Variants in RBFOX1 observed in about 807,000 individuals in gnomAD.
RBFOX1 encodes the protein RNA binding protein fox-1 homolog 1.
In RBFOX1, 8 loss-of-function variants were observed where a neutral mutation model predicts 57.7. That is an observed-to-expected ratio of 0.14 (90% CI 0.08 to 0.25). The LOEUF is 0.25. Ranked by LOEUF, RBFOX1 falls within the 10% of genes least tolerant of loss-of-function variation. The pLI, the probability that RBFOX1 is intolerant of heterozygous loss-of-function variation, is 1.00. For synonymous variants in RBFOX1, 326 were observed against 222.4 expected (o/e 1.47, Z -4.15); for missense variants, 611 against 548.5 (o/e 1.11, Z -1.14).
At chr16:6,365,581 G>A (rs1190708002) in intron 2 of RBFOX1, among the ~76,000 whole-genome samples, 1 of 152,148 alleles carries the variant, frequency 6.6e-6, no homozygotes, top group Admixed American at 6.5e-5. Flanking sequence ...AGGGGCACTG[G>A]GGTGCTGACA....
At chr16:5,809,875 C>G (rs1006590752) in intron 3 of RBFOX1, among the ~76,000 whole-genome samples, 7 of 151,998 alleles carry the variant, frequency 4.6e-5, no homozygotes, top group African/African-American at 1.7e-4. Context: ...CACATGCACA[C>G]GTATGTTTTT....
intron 2 of RBFOX1, among the ~76,000 whole-genome samples, chr16:5,556,015 T>C (rs920817672): frequency 6.6e-6 from 1 of 150,386 alleles, no homozygotes; most frequent in Non-Finnish European, 1.5e-5. Context: ...AGTGAGACTC[T>C]GTCTCAAAAA....
Position 5,651,655 on chromosome 16 carries a change from T to G in RBFOX1, c.318+52694T>G, listed in dbSNP as rs149843343. Among the ~76,000 whole-genome samples the G allele has an allele frequency of 1.4e-3, 207 of 152,276 alleles. 6 individuals carry two copies. In the East Asian group the frequency reaches 0.038, roughly 28 times the overall value. ...CTCCATCAGCTGTGTGAATTCCCAGTGCCCATCTGTGAGTGAGCCGTTTCA... is the reference window on the plus strand; with the variant it reads ...CTCCATCAGCTGTGTGAATTCCCAGGGCCCATCTGTGAGTGAGCCGTTTCA... On this transcript the variant is annotated intron_variant, in intron 3 of 19. Transcript: ENST00000641259.
At chr16:6,197,574 A>T (rs180763844) in intron 1 of RBFOX1, among the ~76,000 whole-genome samples, 13 of 152,252 alleles carry the variant, frequency 8.5e-5, no homozygotes, top group South Asian at 2.1e-4. Context: ...CGCAAAGACA[A>T]AACCAGATAA....
chr16:7,187,690 C>CAA lies in RBFOX1; in HGVS notation c.27+135626_27+135627dup, dbSNP rs536529201. On this transcript the variant is annotated intron_variant, in intron 4 of 15. Transcript: ENST00000550418. ...GGCAACAGAATGAGACTCTGTCTCA[C>CAA]AAAAAAAAAAAAAAAAAAAAAAAAA... Among the ~76,000 whole-genome samples the CAA allele has an allele frequency of 2.3e-3, 164 of 72,558 alleles. 3 individuals carry two copies. Among genetic ancestry groups the CAA allele is most frequent in the African/African-American group, 2.6e-3 (42 of 15,868 alleles). 47.6% of individuals were successfully genotyped at this position (72,558 alleles called of 152,430 possible). A position where few individuals can be genotyped will look rare whatever the true frequency, so the allele number is the denominator to read the frequency against.
At chr16:7,115,549 C>T (rs757602294) in intron 4 of RBFOX1, among the ~76,000 whole-genome samples, 25 of 152,318 alleles carry the variant, frequency 1.6e-4, no homozygotes, top group Non-Finnish European at 2.5e-4. Context: ...GGGACCTTCA[C>T]TGAGCTCTCT....
intron 2 of RBFOX1, among the ~76,000 whole-genome samples, chr16:5,597,634 A>G (rs998458845): frequency 1.3e-5 from 2 of 152,030 alleles, no homozygotes; most frequent in African/African-American, 2.4e-5. Context: ...TCCTGACCTC[A>G]GGTGATCTGT....
chr16:7,217,212 C>G (rs892855182), intron 4 of RBFOX1, among the ~76,000 whole-genome samples: 10 of 151,182 alleles, frequency 6.6e-5, no homozygotes, highest in African/African-American at 1.9e-4. Context: ...TGAAGAGATT[C>G]TCCTCCCACA....
At chr16:7,171,806 C>G (rs1471748204) in intron 4 of RBFOX1, among the ~76,000 whole-genome samples, 2 of 152,140 alleles carry the variant, frequency 1.3e-5, no homozygotes, top group Non-Finnish European at 2.9e-5. Context: ...TTTGGCTTGG[C>G]CATTGTCTTT....
chr16:6,664,726 G>C (rs1299798220), intron 3 of RBFOX1, among the ~76,000 whole-genome samples: 1 of 152,208 alleles, frequency 6.6e-6, no homozygotes, highest in Non-Finnish European at 1.5e-5. Context: ...GTCAGTTCTG[G>C]AGATACTCAG....
At chr16:6,708,752 C>G (rs1363697946) in intron 3 of RBFOX1, among the ~76,000 whole-genome samples, 1 of 152,156 alleles carries the variant, frequency 6.6e-6, no homozygotes, top group East Asian at 1.9e-4. Context: ...CTCAGGCGTC[C>G]CTTCGACTGG....
chr16:6,154,329 ATGG>A (rs1392279932), intron 1 of RBFOX1, among the ~76,000 whole-genome samples: 4 of 152,250 alleles, frequency 2.6e-5, no homozygotes, highest in African/African-American at 9.6e-5. Flanking sequence ...TATAAAGATA[ATGG>A]TATAAGCAAG....
chr16:5,957,378 C>G (rs1394847849), intron 4 of RBFOX1, among the ~76,000 whole-genome samples: 1 of 152,072 alleles, frequency 6.6e-6, no homozygotes, highest in African/African-American at 2.4e-5. Context: ...CCATGCCCAG[C>G]TAATTTTTGT....
At chr16:7,203,289 C>G (rs974007323) in intron 4 of RBFOX1, among the ~76,000 whole-genome samples, 4 of 152,094 alleles carry the variant, frequency 2.6e-5, no homozygotes, top group Non-Finnish European at 5.9e-5. Context: ...AAGCCAGTCA[C>G]AAAAACACAC....
Position 6,994,894 on chromosome 16 carries a change from A to G in RBFOX1, c.-15-57163A>G, listed in dbSNP as rs564506464. Among the ~76,000 whole-genome samples the G allele has an allele frequency of 9.9e-5, 15 of 152,188 alleles. No homozygotes were observed. The South Asian group carries it at 2.9e-3, about 29-fold the overall frequency. On this transcript the variant is annotated intron_variant, in intron 3 of 15. Coordinates refer to ENST00000550418, the MANE Select transcript of RBFOX1 (RefSeq NM_018723.4). ...AAAACAAAATTCCAAATTAACTTGG[A>G]TATCTCTATCAGAACATATCCCTGA...
At chr16:6,731,392 T>G (rs12932571) in intron 3 of RBFOX1, among the ~76,000 whole-genome samples, 20,767 of 152,158 alleles carry the variant, frequency 0.14, 1,608 homozygotes, top group Middle Eastern at 0.23. Flanking sequence ...AGGGGATCAG[T>G]GACCTCACAT....
intron 3 of RBFOX1, among the ~76,000 whole-genome samples, chr16:5,690,212 A>G (rs1347151023): frequency 1.3e-5 from 2 of 152,234 alleles, no homozygotes; most frequent in Non-Finnish European, 2.9e-5. Flanking sequence ...CATACATTGA[A>G]GACAGTCATC....
intron 4 of RBFOX1, among the ~76,000 whole-genome samples, chr16:5,902,703 A>G (rs900340491): frequency 1.3e-5 from 2 of 152,168 alleles, no homozygotes; most frequent in African/African-American, 4.8e-5. Flanking sequence ...AGCATGAGCC[A>G]CCGTGCCCGG....
chr16:5,588,536 A>G (rs2046905456), intron 2 of RBFOX1, among the ~76,000 whole-genome samples: 1 of 152,042 alleles, frequency 6.6e-6, no homozygotes, highest in South Asian at 2.1e-4. Context: ...CTTCATCTTC[A>G]GTGGCATCAG....
Sources: allele counts gnomAD v4.1 joint callset (sites outside exome capture counted in the v4.1 genomes callset), GRCh38; gene constraint gnomAD v4.1.1; transcripts MANE v1.5; gene names NCBI Gene and HGNC (gene_info 2026-07-23, HGNC 2026-07-21).